Variants in ACOX2 observed in about 807,000 individuals in gnomAD.
The protein encoded by ACOX2 is acyl-CoA oxidase 2.
In ACOX2, 59 loss-of-function variants were observed where a neutral mutation model predicts 77.5. The ratio of observed to expected loss-of-function variants is 0.76; its 90% confidence interval spans 0.62 to 0.95. The LOEUF is 0.95. ACOX2 is among the 40% of genes least tolerant of loss of function. The pLI is 0.00. For missense variants in ACOX2, 837 were observed against 880.4 expected (o/e 0.95, Z 0.62); for synonymous variants, 317 against 340.1 (o/e 0.93, Z 0.75).
chr3:58,518,658 A>T (rs1370683053), intron 12 of ACOX2, among the ~76,000 whole-genome samples: 2 of 152,140 alleles, frequency 1.3e-5, no homozygotes, highest in African/African-American at 2.4e-5. Context: ...CTGAGATAGA[A>T]TCTCACTCTG....
Position 58,535,779 on chromosome 3 carries a change from C to T in ACOX2, c.-91-582G>A, listed in dbSNP as rs535468511. ...TCCCCTGGAGCCCCTGAGTGTCTTT[C>T]ATACCCAGGTTGGACCCTGTCTCCT... On this transcript the variant is annotated intron_variant, in intron 1 of 14. Transcript: ENST00000302819. This position sits in a 1 kb window ranked among gnomAD's most constrained non-coding sequence, Gnocchi z 4.8. 1.3e-5 allele frequency among the ~76,000 whole-genome samples: 2 copies of T among 152,300 alleles called. No homozygotes were observed. Among genetic ancestry groups the T allele is most frequent in the East Asian group, 3.9e-4 (2 of 5,166 alleles).
At position 58,526,626 on chromosome 3, in the gene ACOX2, T is replaced by C. The variant is rs200815295; in HGVS notation, c.1186A>G (p.Met396Val). 1.2e-4 allele frequency: 201 copies of C among 1,614,174 alleles called. No homozygotes were observed. In the Admixed American group the frequency reaches 3.3e-3, roughly 26 times the overall value. ...CCCTGGGTGCAGAATTCTGACATCATGGCCTTCATGCCCGTGCTCAGTGCG... is the reference window on the plus strand; with the variant it reads ...CCCTGGGTGCAGAATTCTGACATCACGGCCTTCATGCCCGTGCTCAGTGCG... ...LHALSTGMKA[M>V]MSEFCTQGAE... is the part of the protein sequence containing the mutation. Residue 396 changes from methionine (M) to valine (V), a missense_variant, in exon 10 of 15, where the codon ATG becomes GTG. Met to Val is a conservative substitution (Grantham distance 21). Coordinates refer to ENST00000302819, the MANE Select transcript of ACOX2 (RefSeq NM_003500.4). This position sits in a 1 kb window ranked among gnomAD's most constrained non-coding sequence, Gnocchi z 4.3.
chr3:58,509,506 G>A (rs1160897487), intron 13 of ACOX2, among the ~76,000 whole-genome samples: 8 of 151,596 alleles, frequency 5.3e-5, no homozygotes, highest in African/African-American at 1.7e-4. Flanking sequence ...CAGCCTGGGC[G>A]ACAGAGTGAG....
Position 58,534,827 on chromosome 3 carries a change from A to G in ACOX2, c.160+120T>C, listed in dbSNP as rs1193337781. On this transcript the variant is annotated intron_variant, in intron 2 of 14. Coordinates refer to ENST00000302819, the MANE Select transcript of ACOX2 (RefSeq NM_003500.4). This position sits in a 1 kb window ranked among gnomAD's most constrained non-coding sequence, Gnocchi z 4.8. ...TTACAGTTCGAAGGAATGAATCTCT[A>G]ACAGTGGAATTTCAAGGGCAAAGTT... is the stretch of plus-strand genomic sequence containing the variant. 6.7e-7 allele frequency: 1 copy of G among 1,491,836 alleles called. No individual in the cohort carries two copies. The highest frequency in any genetic ancestry group is 1.4e-5 in the African/African-American group (1 of 72,408). The allele number at this position is 1,491,836 out of a possible 1,614,324, so 92.4% of individuals were successfully genotyped here. A position where few individuals can be genotyped will look rare whatever the true frequency, so the allele number is the denominator to read the frequency against.
In ACOX2 at chr3:58,512,873, G is replaced by A. The variant is rs753606832; in HGVS notation, c.1851-3848C>T. Among the ~76,000 whole-genome samples, 17 of 152,188 alleles carry A rather than the reference G, an allele frequency of 1.1e-4. No individual in the cohort carries two copies. The highest frequency in any genetic ancestry group is 1.9e-4 in the Non-Finnish European group (13 of 68,046). On this transcript the variant is annotated intron_variant, in intron 13 of 14. Transcript: ENST00000302819. This position sits in a 1 kb window ranked among gnomAD's most constrained non-coding sequence, Gnocchi z 4.8. Reference sequence around the variant, plus strand: ...GCAGGTGTGACTGTACGAGCAATAGGCTATACCATTTAGGCTTGTGTAAGT... The same window carrying A: ...GCAGGTGTGACTGTACGAGCAATAGACTATACCATTTAGGCTTGTGTAAGT...
Position 58,514,374 on chromosome 3 carries a change from GTCA to G in ACOX2, c.1850+2829_1850+2831del, listed in dbSNP as rs1257976178. Reference sequence around the variant, plus strand: ...CAGAAGTAAATGCATAGTTTAATCTGTCATCTTTACCTGGAAGTCCCCCCAGCT... The same window carrying G: ...CAGAAGTAAATGCATAGTTTAATCTGTCTTTACCTGGAAGTCCCCCCAGCT... On this transcript the variant is annotated intron_variant, in intron 13 of 14. Coordinates refer to ENST00000302819, the MANE Select transcript of ACOX2 (RefSeq NM_003500.4). This position sits in a 1 kb window ranked among gnomAD's most constrained non-coding sequence, Gnocchi z 4.3. Among the ~76,000 whole-genome samples the G allele has an allele frequency of 6.6e-6, 1 of 152,170 alleles. No individual in the cohort carries two copies. The highest frequency in any genetic ancestry group is 1.9e-4 in the East Asian group (1 of 5,192).
intron 12 of ACOX2, 119 bp from the exon 13 acceptor site, chr3:58,517,542 G>T: frequency 1.3e-6 from 1 of 796,044 alleles, no homozygotes; most frequent in Non-Finnish European, 1.9e-6. Flanking sequence ...CCAGCAGGCT[G>T]ATGAGCAGCT....
chr3:58,531,357 A>T lies in ACOX2; in HGVS notation c.713T>A (p.Ile238Asn). The T allele has an allele frequency of 3.1e-6, 5 of 1,613,672 alleles. No individual in the cohort carries two copies. The highest frequency in any genetic ancestry group is 1.1e-5 in the South Asian group (1 of 91,072). ...GTCCATCTTGGGTCCGATGTCCCCA[A>T]TGATGATTCCTTGAAGGAGATGGAG... ...QDHTPLPGII[I>N]GDIGPKMDFD... The change falls in exon 7 of 15, where the codon ATT becomes AAT. Residue 238 changes from isoleucine (I) to asparagine (N), a missense_variant. By Grantham distance (149) the Ile-to-Asn change is moderately radical. Transcript: ENST00000302819. This position sits in a 1 kb window ranked among gnomAD's most constrained non-coding sequence, Gnocchi z 5.8.
Position 58,528,974 on chromosome 3 carries a change from A to G in ACOX2, c.993-18T>C. 6.3e-7 allele frequency: 1 copy of G among 1,598,790 alleles called. No individual in the cohort carries two copies. ...CTGGGTCACTGAAGGGAAAAGAACC[A>G]GAAGATTTAGATCACTACCTGTTGT... On this transcript the variant is annotated intron_variant, in intron 8 of 14. Coordinates refer to ENST00000302819, the MANE Select transcript of ACOX2 (RefSeq NM_003500.4). This position sits in a 1 kb window ranked among gnomAD's most constrained non-coding sequence, Gnocchi z 5.6.
intron 12 of ACOX2, among the ~76,000 whole-genome samples, chr3:58,518,773 C>G (rs1048981599): frequency 6.6e-6 from 1 of 151,764 alleles, no homozygotes; most frequent in Non-Finnish European, 1.5e-5. Context: ...GTTGGGACCA[C>G]AGGCACACAC....
Position 58,525,314 on chromosome 3 carries a change from A to G in ACOX2, c.1347-709T>C, listed in dbSNP as rs576415827. Among the ~76,000 whole-genome samples the G allele has an allele frequency of 5.5e-4, 84 of 152,362 alleles. No individual in the cohort carries two copies. Among genetic ancestry groups the G allele is most frequent in the Middle Eastern group, 3.4e-3 (1 of 294 alleles). ...TTATATATTTTTAAAAATATAATAA[A>G]TGTTGTTTTTCATATTTGCCAGTGA... On this transcript the variant is annotated intron_variant, in intron 10 of 14. Transcript: ENST00000302819. This position sits in a 1 kb window ranked among gnomAD's most constrained non-coding sequence, Gnocchi z 5.0.
At chr3:58,530,715 C>T in intron 7 of ACOX2, 77 bp from the exon 8 acceptor site, 1 of 1,479,874 alleles carries the variant, frequency 6.8e-7, no homozygotes, top group Admixed American at 2.0e-5. Flanking sequence ...AGCTGTGGGG[C>T]TCCACACATG....
intron 7 of ACOX2, 90 bp from the exon 8 acceptor site, chr3:58,530,728 G>A (rs2108008763): frequency 1.4e-6 from 2 of 1,421,758 alleles, no homozygotes; most frequent in East Asian, 4.9e-5. Context: ...CACACATGGA[G>A]GGCACCTCGC....
intron 9 of ACOX2, among the ~76,000 whole-genome samples, chr3:58,527,801 C>T (rs1385537339): frequency 1.3e-5 from 2 of 151,908 alleles, no homozygotes; most frequent in African/African-American, 4.8e-5. Flanking sequence ...GGAATCCTCC[C>T]ACCTCAGCCT....
rs751794057 is a variant in ACOX2 at position 58,534,010 on chromosome 3, C to T, written c.459G>A (p.Gln153=). ...CTAGCTCACCATGTCCCAACTCTGTCTGTGCATACGTTGCGATGATCTGGA... is the reference window on the plus strand; with the variant it reads ...CTAGCTCACCATGTCCCAACTCTGTTTGTGCATACGTTGCGATGATCTGGA... ...KNIQIIATYA[Q]TELGHGTYLQ... Residue 153 remains glutamine (Q), a synonymous_variant, in exon 4 of 15, where the codon CAG becomes CAA. Coordinates refer to ENST00000302819, the MANE Select transcript of ACOX2 (RefSeq NM_003500.4). The surrounding 1 kb of genome is among the most constrained non-coding windows in gnomAD (Gnocchi z 4.8). 6.2e-7 allele frequency: 1 copy of T among 1,614,070 alleles called. No individual in the cohort carries two copies. Among genetic ancestry groups the T allele is most frequent in the East Asian group, 2.2e-5 (1 of 44,890 alleles).
Position 58,531,759 on chromosome 3 carries a change from C to T in ACOX2, c.637G>A (p.Ala213Thr), listed in dbSNP as rs76353619. 3 of 1,614,206 alleles carry T rather than the reference C, an allele frequency of 1.9e-6. No homozygotes were observed. The highest frequency in any genetic ancestry group is 2.5e-6 in the Non-Finnish European group (3 of 1,180,034). ...ATAAAAGCGTGCATGCCCCGCCTGG[C>T]TCCTGAGCAGATCAGCTGGGCCTGG... ...LVQAQLICSG[A>T]RRGMHAFIVP... Residue 213 changes from alanine to threonine, a missense_variant, in exon 6 of 15, where the codon GCC becomes ACC. By Grantham distance (58) the Ala-to-Thr change is moderately conservative. Transcript: ENST00000302819. The surrounding 1 kb of genome is among the most constrained non-coding windows in gnomAD (Gnocchi z 5.8).
In ACOX2 at chr3:58,534,028, G is replaced by A. The variant is rs1402165953; in HGVS notation, c.441C>T (p.Ile147=). The stretch of plus-strand genomic sequence containing the variant: ...ACTCTGTCTGTGCATACGTTGCGAT[G>A]ATCTGGATGTTTTTGCAGAGTGGGT... ...KWDPLCKNIQ[I]IATYAQTELG... Residue 147 remains isoleucine (I), a synonymous_variant, in exon 4 of 15, where the codon ATC becomes ATT. Transcript: ENST00000302819. This position sits in a 1 kb window ranked among gnomAD's most constrained non-coding sequence, Gnocchi z 4.8. 1.2e-6 allele frequency: 2 copies of A among 1,614,230 alleles called. No homozygotes were observed. The highest frequency in any genetic ancestry group is 2.2e-5 in the South Asian group (2 of 91,078).
chr3:58,530,401 G>A (rs1262187014), intron 8 of ACOX2, 65 bp downstream of exon 8: 5 of 1,569,294 alleles, frequency 3.2e-6, no homozygotes, highest in Non-Finnish European at 4.3e-6. Flanking sequence ...GGTGGTGTCA[G>A]GGGGAGGCAC....
At chr3:58,529,063 T>C (rs2063417893) in intron 8 of ACOX2, 107 bp from the exon 9 acceptor site, 16 of 1,184,586 alleles carry the variant, frequency 1.4e-5, no homozygotes, top group Non-Finnish European at 1.8e-5. Flanking sequence ...TTAGAACTCA[T>C]TGCAAAACTT....
Sources: allele counts gnomAD v4.1 joint callset (sites outside exome capture counted in the v4.1 genomes callset), GRCh38; gene constraint gnomAD v4.1.1; non-coding constraint Gnocchi (gnomAD v3.1); transcripts MANE v1.5; gene names NCBI Gene and HGNC (gene_info 2026-07-23, HGNC 2026-07-21).